CAMKK2: variants seen among roughly 807,000 people sequenced by gnomAD.
CAMKK2 encodes calcium/calmodulin-dependent protein kinase kinase 2.
Under a neutral mutation model 67.2 loss-of-function variants are expected in CAMKK2, and 30 were observed. The ratio of observed to expected loss-of-function variants is 0.45; its 90% CI spans 0.33 to 0.61. The LOEUF is 0.61. Among genes scored for constraint, CAMKK2 ranks in the 20% least tolerant of loss-of-function variants. The pLI is 0.02. For synonymous variants in CAMKK2, 322 were observed against 326.2 expected (o/e 0.99, Z 0.14); for missense variants, 643 against 802.0 (o/e 0.80, Z 2.39).
At chr12:121,294,123 G>C (rs1376268130) in intron 1 of CAMKK2, among the ~76,000 whole-genome samples, 6 of 152,028 alleles carry the variant, frequency 3.9e-5, no homozygotes, top group Admixed American at 3.9e-4. Flanking sequence ...AGTAGAGATG[G>C]GGTTTCACCA....
intron 13 of CAMKK2, 73 bp downstream of exon 13, chr12:121,249,714 G>T: frequency 1.7e-6 from 2 of 1,201,824 alleles, no homozygotes; most frequent in Non-Finnish European, 1.2e-6. Context: ...TGGACACAAG[G>T]GTGTGGGGTC....
intron 13 of CAMKK2, among the ~76,000 whole-genome samples, chr12:121,249,030 A>G (rs1890095400): frequency 6.6e-6 from 1 of 152,222 alleles, no homozygotes; most frequent in Non-Finnish European, 1.5e-5. Flanking sequence ...CTGCCCAAGG[A>G]GCATCCATCA....
At chr12:121,259,632 T>C (rs982617131) in intron 7 of CAMKK2, among the ~76,000 whole-genome samples, 2 of 152,250 alleles carry the variant, frequency 1.3e-5, no homozygotes, top group African/African-American at 4.8e-5. Flanking sequence ...CAATTATTTA[T>C]TGAATGTTTT....
intron 9 of CAMKK2, among the ~76,000 whole-genome samples, chr12:121,255,264 TTATA>T (rs1180746884): frequency 5.6e-3 from 46 of 8,270 alleles, no homozygotes; most frequent in African/African-American, 0.011. Context: ...ATATATAATT[TTATA>T]TATATATAAT....
At chr12:121,265,407 CA>C (rs777455614) in intron 5 of CAMKK2, among the ~76,000 whole-genome samples, 4 of 152,102 alleles carry the variant, frequency 2.6e-5, no homozygotes, top group Non-Finnish European at 5.9e-5. Flanking sequence ...GAGAGCGTTC[CA>C]CTGCCTGCTG....
chr12:121,246,715 C>T (rs1295252375), intron 14 of CAMKK2, among the ~76,000 whole-genome samples: 1 of 152,070 alleles, frequency 6.6e-6, no homozygotes, highest in African/African-American at 2.4e-5. Flanking sequence ...GGAGCTCCTC[C>T]TCTGTGAAGC....
rs1031780189 is a variant in CAMKK2 at position 121,296,048 on chromosome 12, G to A, written c.-60+590C>T. Reference sequence around the variant, plus strand: ...TAGGTCAGAAGGACCAAGCCTGTGAGGCTCCGGCTGAGAGAAGAGGTGCGG... The same window carrying A: ...TAGGTCAGAAGGACCAAGCCTGTGAAGCTCCGGCTGAGAGAAGAGGTGCGG... On this transcript the variant is annotated intron_variant, in intron 1 of 16. Transcript: ENST00000404169. This position sits in a 1 kb window ranked among gnomAD's most constrained non-coding sequence, Gnocchi z 7.1. 2.0e-5 allele frequency among the ~76,000 whole-genome samples: 3 copies of A among 152,230 alleles called. No individual in the cohort carries two copies. Among genetic ancestry groups the A allele is most frequent in the African/African-American group, 7.2e-5 (3 of 41,458 alleles).
At chr12:121,291,585 C>T (rs1900029287) in intron 1 of CAMKK2, among the ~76,000 whole-genome samples, 1 of 152,146 alleles carries the variant, frequency 6.6e-6, no homozygotes, top group Non-Finnish European at 1.5e-5. Flanking sequence ...TCCAGAGAGA[C>T]AGAAAGTAGG....
In CAMKK2 at chr12:121,240,988, G is replaced by A. The variant is rs911295446; in HGVS notation, c.1597-119C>T. On this transcript the variant is annotated intron_variant, in intron 16 of 16. Transcript: ENST00000404169. This position sits in a 1 kb window ranked among gnomAD's most constrained non-coding sequence, Gnocchi z 4.4. ...TGGGCCGTCGCGCACCCCCTGGAAC[G>A]TGATCTACGTAACCCAGTCTTTGAG... The A allele has an allele frequency of 6.4e-6, 6 of 935,334 alleles. No homozygotes were observed. The highest frequency in any genetic ancestry group is 2.4e-4 in the Middle Eastern group (1 of 4,196). 57.9% of individuals were successfully genotyped at this position (935,334 alleles called of 1,614,324 possible). A position where few individuals can be genotyped will look rare whatever the true frequency, so the allele number is the denominator to read the frequency against.
upstream of CAMKK2, among the ~76,000 whole-genome samples, chr12:121,296,940 C>G (rs1466092803): frequency 6.6e-6 from 1 of 151,702 alleles, no homozygotes; most frequent in Admixed American, 6.6e-5. This position sits in a 1 kb window ranked among gnomAD's most constrained non-coding sequence, Gnocchi z 7.1. Context: ...CGGGAGCCTG[C>G]AAAGACGAAA....
At chr12:121,284,660 G>A (rs1898395580) in intron 1 of CAMKK2, among the ~76,000 whole-genome samples, 1 of 152,180 alleles carries the variant, frequency 6.6e-6, no homozygotes, top group African/African-American at 2.4e-5. Flanking sequence ...AACAATTACA[G>A]GCATAGCCCT....
intron 1 of CAMKK2, among the ~76,000 whole-genome samples, chr12:121,284,212 A>G (rs998321996): frequency 5.9e-5 from 9 of 152,254 alleles, no homozygotes; most frequent in Non-Finnish European, 1.0e-4. Flanking sequence ...CATTCCACCA[A>G]TGAGGAAAAT....
In CAMKK2 at chr12:121,268,635, C is replaced by T. The variant is rs201730177; in HGVS notation, c.625+3G>A. On this transcript the variant is annotated splice_donor_region_variant and intron_variant, in intron 5 of 16. Coordinates refer to ENST00000404169, the MANE Select transcript of CAMKK2 (RefSeq NM_001270485.2). ...CCTAACAACAAAGGCCCGCCAAACT[C>T]ACGTGGAAAGCCGGCCTGCCGGATC... The T allele has an allele frequency of 7.4e-6, 12 of 1,613,914 alleles. No homozygotes were observed. Among genetic ancestry groups the T allele is most frequent in the Admixed American group, 6.7e-5 (4 of 60,002 alleles).
At chr12:121,241,870 G>A (rs1888451449) in intron 16 of CAMKK2, among the ~76,000 whole-genome samples, 2 of 152,196 alleles carry the variant, frequency 1.3e-5, no homozygotes, top group African/African-American at 2.4e-5. Flanking sequence ...CGGCAGGCAG[G>A]CCCCCAGTCC....
chr12:121,246,970 C>T (rs1273605249), intron 14 of CAMKK2, among the ~76,000 whole-genome samples: 34 of 152,186 alleles, frequency 2.2e-4, no homozygotes, highest in Admixed American at 2.2e-3. Context: ...CCAAGTCAGA[C>T]CACTTCCCAG....
intron 14 of CAMKK2, among the ~76,000 whole-genome samples, chr12:121,246,257 G>A (rs554194717): frequency 6.6e-6 from 1 of 150,382 alleles, no homozygotes; most frequent in African/African-American, 2.4e-5. Flanking sequence ...AAGGAGCGGG[G>A]GGGGGGAGGC....
Position 121,268,086 on chromosome 12 carries a change from A to ATATATATATATATATATATATATATAT in CAMKK2, c.625+551_625+552insATATATATATATATATATATATATATA, listed in dbSNP as rs1440366454. ...CTGAATAATATTCCATTGGATGCAT[A>ATATATATATATATATATATATATATAT]TATATATATATATACTCTATTCATA... On this transcript the variant is annotated intron_variant, in intron 5 of 16. Coordinates refer to ENST00000404169, the MANE Select transcript of CAMKK2 (RefSeq NM_001270485.2). Among the ~76,000 whole-genome samples, 4 of 142,454 alleles carry ATATATATATATATATATATATATATAT rather than the reference A, an allele frequency of 2.8e-5. No homozygotes were observed. In the East Asian group the frequency reaches 8.0e-4, roughly 29 times the overall value. 93.5% of individuals were successfully genotyped at this position (142,454 alleles called of 152,430 possible).
At chr12:121,264,062 G>T in intron 5 of CAMKK2, 123 bp from the exon 6 acceptor site, 2 of 897,998 alleles carry the variant, frequency 2.2e-6, no homozygotes, top group Non-Finnish European at 3.2e-6. Flanking sequence ...TGGAGTGGCT[G>T]CTGCCACCAG....
chr12:121,251,473 G>A (rs1165857933), intron 11 of CAMKK2, among the ~76,000 whole-genome samples: 1 of 152,084 alleles, frequency 6.6e-6, no homozygotes, highest in Non-Finnish European at 1.5e-5. Context: ...ACAAGCTCAG[G>A]AAAGGGAAAA....
Sources: allele counts gnomAD v4.1 joint callset (sites outside exome capture counted in the v4.1 genomes callset), GRCh38; gene constraint gnomAD v4.1.1; non-coding constraint Gnocchi (gnomAD v3.1); transcripts MANE v1.5; gene names NCBI Gene and HGNC (gene_info 2026-07-23, HGNC 2026-07-21).